The following XIRP2 variants were observed in gnomAD, a reference collection of about 807,000 sequenced individuals.
XIRP2 encodes the protein xin actin binding repeat containing 2.
A neutral mutation model predicts 277.0 loss-of-function variants in XIRP2; 236 were observed. The observed-to-expected ratio is 0.85, with a 90% CI of 0.77 to 0.95. The LOEUF is 0.95. Ranked by LOEUF, XIRP2 falls within the 40% of genes least tolerant of loss-of-function variation. The pLI is 0.00. For missense variants in XIRP2, 4,640 were observed against 4,157.5 expected, an observed-to-expected ratio of 1.12 and a Z score of -3.19; for synonymous variants, 1,490 against 1,416.5, an observed-to-expected ratio of 1.05 and a Z score of -1.17.
At chr2:166,915,299 CAAAAAA>C (rs993808427) in intron 2 of XIRP2, among the ~76,000 whole-genome samples, 3 of 40,132 alleles carry the variant, frequency 7.5e-5, no homozygotes, top group Admixed American at 5.2e-4. Flanking sequence ...GACTCCGTCT[CAAAAAA>C]AAAAAAAAAA....
At chr2:167,116,939 G>A (rs998295124) in intron 2 of XIRP2, among the ~76,000 whole-genome samples, 1 of 152,114 alleles carries the variant, frequency 6.6e-6, no homozygotes, top group Non-Finnish European at 1.5e-5. Context: ...ATGGATAAGT[G>A]TCCTTTGCTT....
At chr2:166,975,653 C>T (rs990466691) in intron 2 of XIRP2, among the ~76,000 whole-genome samples, 2 of 151,948 alleles carry the variant, frequency 1.3e-5, no homozygotes, top group Admixed American at 6.6e-5. Flanking sequence ...TGGCCGGGCG[C>T]GGTGGCTCAC....
chr2:167,011,534 T>C (rs1302417323), intron 2 of XIRP2, among the ~76,000 whole-genome samples: 2 of 152,086 alleles, frequency 1.3e-5, no homozygotes, highest in African/African-American at 4.8e-5. Context: ...TAAAATGCTC[T>C]GTTTTGGTTG....
rs1693109046 is a variant in XIRP2 at position 167,184,699 on chromosome 2, T to C, written c.563-26036T>C. ...TCTGGGTCTCATTGGTTTGGCTATC[T>C]CTGATGCCTTACATATATTATCTCT... On this transcript the variant is annotated intron_variant, in intron 3 of 10. Transcript: ENST00000409195. The C allele has an allele frequency of 5.7e-6, 4 of 700,670 alleles. No homozygotes were observed. The East Asian group carries it at 1.1e-4, about 19-fold the overall frequency. 43.4% of individuals were successfully genotyped at this position (700,670 alleles called of 1,614,324 possible). A position where few individuals can be genotyped will look rare whatever the true frequency, so the allele number is the denominator to read the frequency against.
At chr2:167,183,149 G>A (rs970445399) in intron 3 of XIRP2, among the ~76,000 whole-genome samples, 1 of 152,130 alleles carries the variant, frequency 6.6e-6, no homozygotes, top group African/African-American at 2.4e-5. Context: ...GCAGTAGAAG[G>A]GCTTTGTATA....
At chr2:167,035,082 A>C (rs1311662140) in intron 2 of XIRP2, among the ~76,000 whole-genome samples, 3 of 152,198 alleles carry the variant, frequency 2.0e-5, no homozygotes. Context: ...AGGCCTCCCC[A>C]GCCATGTGGA....
At chr2:166,893,298 C>T (rs1684156821) in intron 1 of XIRP2, among the ~76,000 whole-genome samples, 1 of 151,992 alleles carries the variant, frequency 6.6e-6, no homozygotes, top group Non-Finnish European at 1.5e-5. Flanking sequence ...ATAAAGATGG[C>T]ATTTATTTTC....
intron 3 of XIRP2, among the ~76,000 whole-genome samples, chr2:167,197,395 A>G (rs16853199): frequency 0.1 from 15,816 of 152,170 alleles, 1,688 homozygotes; most frequent in African/African-American, 0.28. Context: ...AATTCATTCA[A>G]CAAATGCTTA....
chr2:167,239,203 A>G (rs1694985325), intron 5 of XIRP2, among the ~76,000 whole-genome samples: 1 of 152,162 alleles, frequency 6.6e-6, no homozygotes. Context: ...AAATACATAT[A>G]TATTTTTTCA....
intron 2 of XIRP2, among the ~76,000 whole-genome samples, chr2:167,044,747 A>G (rs746318842): frequency 3.9e-5 from 6 of 152,110 alleles, no homozygotes; most frequent in Non-Finnish European, 8.8e-5. Flanking sequence ...CAAAGAAATC[A>G]GAGATTACAC....
chr2:167,031,609 T>C (rs1339834534), intron 2 of XIRP2, among the ~76,000 whole-genome samples: 1 of 152,168 alleles, frequency 6.6e-6, no homozygotes, highest in Non-Finnish European at 1.5e-5. Context: ...CAGCAAAGTT[T>C]CAGGATGCAA....
At chr2:166,941,974 C>G (rs1416329128) in intron 2 of XIRP2, among the ~76,000 whole-genome samples, 1 of 152,200 alleles carries the variant, frequency 6.6e-6, no homozygotes, top group Non-Finnish European at 1.5e-5. Flanking sequence ...TGCTCTCCAT[C>G]TTCTCTGTGA....
At chr2:167,015,638 C>G (rs1379114219) in intron 2 of XIRP2, among the ~76,000 whole-genome samples, 1 of 151,710 alleles carries the variant, frequency 6.6e-6, no homozygotes, top group Non-Finnish European at 1.5e-5. Context: ...TTATATTGCT[C>G]TAATAAGATT....
chr2:167,138,544 A>G (rs1405822815), intron 3 of XIRP2, among the ~76,000 whole-genome samples: 2 of 152,198 alleles, frequency 1.3e-5, no homozygotes, highest in African/African-American at 4.8e-5. Flanking sequence ...AATAAACCAT[A>G]GTGCTCCCGT....
chr2:167,239,523 G>T (rs958192406), intron 5 of XIRP2, among the ~76,000 whole-genome samples: 1 of 152,204 alleles, frequency 6.6e-6, no homozygotes, highest in Non-Finnish European at 1.5e-5. Flanking sequence ...GGCAAGGGCT[G>T]TTAGCCCAGG....
Position 166,987,495 on chromosome 2 carries a change from C to T in XIRP2, c.408+83605C>T, listed in dbSNP as rs369600008. ...CATTTGGGGTAAATATAAATGAAAA[C>T]ATTATAAATAATAATATTTTCACTG... On this transcript the variant is annotated intron_variant, in intron 2 of 10. Coordinates refer to ENST00000409195, the MANE Select transcript of XIRP2 (RefSeq NM_152381.6). Among the ~76,000 whole-genome samples, 105 of 152,148 alleles carry T rather than the reference C, an allele frequency of 6.9e-4. 1 individual carries two copies. Among genetic ancestry groups the T allele is most frequent in the African/African-American group, 2.5e-3 (103 of 41,520 alleles).
intron 3 of XIRP2, among the ~76,000 whole-genome samples, chr2:167,158,252 T>G (rs1692260063): frequency 6.6e-6 from 1 of 152,206 alleles, no homozygotes; most frequent in Non-Finnish European, 1.5e-5. Context: ...TATTTCTCAT[T>G]TACAACTATA....
At chr2:166,940,078 G>T (rs1036565116) in intron 2 of XIRP2, among the ~76,000 whole-genome samples, 6 of 152,142 alleles carry the variant, frequency 3.9e-5, no homozygotes, top group East Asian at 1.9e-4. Flanking sequence ...TCACTTTCAG[G>T]TACACCAGTC....
chr2:166,939,097 G>A (rs1469629168), intron 2 of XIRP2, among the ~76,000 whole-genome samples: 2 of 152,210 alleles, frequency 1.3e-5, no homozygotes, highest in Non-Finnish European at 2.9e-5. Context: ...TTCAATTTAA[G>A]GTTAATATAG....
Sources: allele counts gnomAD v4.1 joint callset (sites outside exome capture counted in the v4.1 genomes callset), GRCh38; gene constraint gnomAD v4.1.1; transcripts MANE v1.5; gene names NCBI Gene and HGNC (gene_info 2026-07-23, HGNC 2026-07-21).